RBFOX1: variants seen among roughly 807,000 people sequenced by gnomAD.
RBFOX1 encodes RNA binding fox-1 homolog 1.
A neutral mutation model predicts 57.7 loss-of-function variants in RBFOX1; 8 were observed. That is an observed-to-expected ratio of 0.14 (90% CI 0.08 to 0.25). The LOEUF (loss-of-function observed/expected upper bound fraction) is 0.25, where lower values mean the gene tolerates loss of function less well. RBFOX1 is among the 10% of genes least tolerant of loss of function. The probability of loss-of-function intolerance (pLI) is 1.00; values close to 1 mark genes in which losing one functional copy is unlikely to be tolerated. For synonymous variants in RBFOX1, 326 were observed against 222.4 expected (o/e 1.47, Z -4.15); for missense variants, 611 against 548.5 (o/e 1.11, Z -1.14).
At chr16:7,187,690 C>CAAAAAA (rs536529201) in intron 4 of RBFOX1, among the ~76,000 whole-genome samples, 16 of 72,572 alleles carry the variant, frequency 2.2e-4, no homozygotes, top group Non-Finnish European at 3.2e-4. Flanking sequence ...CTCTGTCTCA[C>CAAAAAA]AAAAAAAAAA....
intron 3 of RBFOX1, among the ~76,000 whole-genome samples, chr16:6,768,892 C>A (rs1283176645): frequency 6.6e-6 from 1 of 151,932 alleles, no homozygotes; most frequent in Non-Finnish European, 1.5e-5. Flanking sequence ...TCATGCTCGG[C>A]TAATTTTTGT....
intron 4 of RBFOX1, among the ~76,000 whole-genome samples, chr16:5,914,727 T>TAAAATA (rs1381839190): frequency 7.9e-5 from 12 of 152,178 alleles, no homozygotes; most frequent in Non-Finnish European, 1.5e-4. Flanking sequence ...AAAGCCCACC[T>TAAAATA]CTACTAAAAA....
chr16:5,552,160 G>A (rs1246136852), intron 2 of RBFOX1, among the ~76,000 whole-genome samples: 2 of 152,140 alleles, frequency 1.3e-5, no homozygotes, highest in African/African-American at 2.4e-5. Flanking sequence ...ACGCAAGCGA[G>A]CTCTCAGCAT....
At chr16:6,983,132 C>A (rs141561635) in intron 3 of RBFOX1, among the ~76,000 whole-genome samples, 36 of 151,954 alleles carry the variant, frequency 2.4e-4, no homozygotes, top group African/African-American at 7.7e-4. Context: ...AAACTCTTAG[C>A]TGTTCCATTG....
chr16:7,476,940 A>T (rs918049913), intron 4 of RBFOX1, among the ~76,000 whole-genome samples: 6 of 152,040 alleles, frequency 3.9e-5, no homozygotes, highest in Admixed American at 3.9e-4. Context: ...AGCTGCCCTC[A>T]TCCTCACCCC....
At chr16:7,496,564 C>A (rs375928100) in intron 4 of RBFOX1, among the ~76,000 whole-genome samples, 4 of 152,064 alleles carry the variant, frequency 2.6e-5, no homozygotes, top group Non-Finnish European at 5.9e-5. Flanking sequence ...TCATCATCAT[C>A]ATCATTAATA....
At chr16:6,804,562 G>A (rs1357972916) in intron 3 of RBFOX1, among the ~76,000 whole-genome samples, 1 of 152,032 alleles carries the variant, frequency 6.6e-6, no homozygotes, top group Admixed American at 6.6e-5. Flanking sequence ...TATTGTATGT[G>A]GCTACTGTGG....
rs369279261 is a variant in RBFOX1, at chr16:7,634,135, C to A, written c.757+3452C>A. The stretch of plus-strand genomic sequence containing the variant: ...GGTGCAGACTTTTTCTCTAGGAATC[C>A]AACCATTGCCCTCAAAGCTGAGGCT... On this transcript the variant is annotated intron_variant, in intron 11 of 15. Transcript: ENST00000550418. Among the ~76,000 whole-genome samples the A allele has an allele frequency of 3.9e-5, 6 of 152,172 alleles. No homozygotes were observed. The East Asian group carries it at 1.2e-3, about 29-fold the overall frequency.
At chr16:6,914,856 C>G (rs926147897) in intron 3 of RBFOX1, among the ~76,000 whole-genome samples, 5 of 152,206 alleles carry the variant, frequency 3.3e-5, no homozygotes, top group African/African-American at 9.6e-5. Context: ...ACATTGTGTT[C>G]CAAGCTGGGC....
chr16:5,289,627 C>T (rs1382104559), intron 1 of RBFOX1, among the ~76,000 whole-genome samples: 4 of 152,128 alleles, frequency 2.6e-5, no homozygotes, highest in African/African-American at 9.7e-5. Flanking sequence ...AAATATGTGC[C>T]TTGCATCATA....
chr16:7,108,606 A>G (rs1198218909), intron 4 of RBFOX1, among the ~76,000 whole-genome samples: 1 of 152,138 alleles, frequency 6.6e-6, no homozygotes, highest in Non-Finnish European at 1.5e-5. Flanking sequence ...TTTGTTAGAG[A>G]TATGATTAAT....
At chr16:6,949,456 T>C (rs1297419401) in intron 3 of RBFOX1, among the ~76,000 whole-genome samples, 2 of 152,188 alleles carry the variant, frequency 1.3e-5, no homozygotes, top group African/African-American at 2.4e-5. Flanking sequence ...GCAACACAGA[T>C]TTGTTTTCTT....
intron 3 of RBFOX1, among the ~76,000 whole-genome samples, chr16:6,903,028 C>G (rs2068860880): frequency 6.6e-6 from 1 of 152,164 alleles, no homozygotes; most frequent in Admixed American, 6.5e-5. Context: ...AATGAGATGA[C>G]TGCTCCTGTG....
rs552512146 is a variant in RBFOX1, at chr16:5,618,188, G to A, written c.318+19227G>A. Among the ~76,000 whole-genome samples, 8 of 152,234 alleles carry A rather than the reference G, an allele frequency of 5.3e-5. No homozygotes were observed. In the South Asian group the frequency reaches 1.5e-3, roughly 28 times the overall value. ...CCTACTCTGTCGTCTCTTTCCTTTG[G>A]TAAATTTTGTTCGTTTCTGAGAGTC... is the stretch of plus-strand genomic sequence containing the variant. On this transcript the variant is annotated intron_variant, in intron 3 of 19. Transcript: ENST00000641259.
intron 1 of RBFOX1, among the ~76,000 whole-genome samples, chr16:5,409,595 A>G (rs1272859795): frequency 1.3e-5 from 2 of 152,152 alleles, no homozygotes; most frequent in Non-Finnish European, 2.9e-5. Flanking sequence ...TGTGCCAGGC[A>G]TGTTCTAGGT....
intron 4 of RBFOX1, among the ~76,000 whole-genome samples, chr16:7,134,808 C>G (rs1203607762): frequency 6.6e-6 from 1 of 152,150 alleles, no homozygotes; most frequent in South Asian, 2.1e-4. Flanking sequence ...TAAAGGAGTA[C>G]ATAGCATGCA....
intron 3 of RBFOX1, among the ~76,000 whole-genome samples, chr16:6,911,536 T>A (rs2071595809): frequency 6.6e-6 from 1 of 152,170 alleles, no homozygotes; most frequent in Non-Finnish European, 1.5e-5. Context: ...TTCCCCTTTT[T>A]ATGATGACAT....
chr16:6,570,346 A>T (rs1016377498), intron 2 of RBFOX1, among the ~76,000 whole-genome samples: 1 of 152,168 alleles, frequency 6.6e-6, no homozygotes, highest in East Asian at 1.9e-4. Context: ...ATTGTGTTCC[A>T]GGCCCCTCCT....
chr16:7,517,725 C>G (rs560596314), intron 4 of RBFOX1, among the ~76,000 whole-genome samples: 1 of 152,018 alleles, frequency 6.6e-6, no homozygotes, highest in African/African-American at 2.4e-5. Flanking sequence ...AATTTAGTCT[C>G]TCTTGGCACT....
Sources: allele counts gnomAD v4.1 joint callset (sites outside exome capture counted in the v4.1 genomes callset), GRCh38; gene constraint gnomAD v4.1.1; transcripts MANE v1.5; gene names NCBI Gene and HGNC (gene_info 2026-07-23, HGNC 2026-07-21).